The following UGT2B15 variants were observed in gnomAD, a reference collection of about 807,000 sequenced individuals.
The protein encoded by UGT2B15 is UDP glucuronosyltransferase family 2 member B15, also known as UDP-glucuronosyltransferase 2B15.
A neutral mutation model predicts 45.9 loss-of-function variants in UGT2B15; 36 were observed. The observed-to-expected ratio is 0.78, with a 90% CI of 0.60 to 1.04. The LOEUF (loss-of-function observed/expected upper bound fraction) is 1.04. Among genes scored for constraint, UGT2B15 ranks in the 50% least tolerant of loss-of-function variants. The pLI, the probability that UGT2B15 is intolerant of heterozygous loss-of-function variation, is 0.00. For synonymous variants in UGT2B15, 219 were observed against 216.4 expected, an observed-to-expected ratio of 1.01 and a Z score of -0.11; for missense variants, 617 against 622.4, an observed-to-expected ratio of 0.99 and a Z score of 0.09.
Position 68,670,090 on chromosome 4 carries a change from C to G in UGT2B15, c.529G>C (p.Val177Leu). The change falls in exon 1 of 6, where the codon GTT (valine) becomes CTT (leucine). Residue 177 changes from valine (V) to leucine (L), a missense_variant. By Grantham distance (32) the Val-to-Leu change is conservative. This residue lies in a region of UGT2B15 where 351 missense variants were observed against 342.1 expected (regional missense o/e 1.03). Transcript: ENST00000338206. The part of the protein sequence containing the change: ...IPFLYSLRFS[V>L]GYTFEKNGGG... The stretch of plus-strand genomic sequence containing the variant: ...CCATTCTTCTCAAATGTGTAGCCAA[C>G]AGAGAATCGAAGACTGTACAGAAAG... 2 of 1,614,068 alleles carry G rather than the reference C, an allele frequency of 1.2e-6. No homozygotes were observed. Among genetic ancestry groups the G allele is most frequent in the African/African-American group, 2.7e-5 (2 of 75,024 alleles).
At position 68,647,318 on chromosome 4, in the gene UGT2B15, C is replaced by A. The variant is rs148054959; in HGVS notation, c.1379G>T (p.Arg460Leu). Residue 460 changes from arginine (R) to leucine (L), a missense_variant, in exon 6 of 6, where the codon CGA becomes CTA. Coordinates refer to ENST00000338206, the MANE Select transcript of UGT2B15 (RefSeq NM_001076.4). ...GACAAACTCAATCCAGAAGACTGCT[C>A]GATCCAGGGGCTTCATTGGTTGGTC... is the stretch of plus-strand genomic sequence containing the variant. ...HHDQPMKPLD[R>L]AVFWIEFVMR... The A allele has an allele frequency of 1.2e-6, 2 of 1,613,644 alleles. No homozygotes were observed. Among genetic ancestry groups the A allele is most frequent in the Non-Finnish European group, 8.5e-7 (1 of 1,179,824 alleles).
chr4:68,647,993 C>T (rs1732533032), intron 5 of UGT2B15, among the ~76,000 whole-genome samples: 1 of 151,810 alleles, frequency 6.6e-6, no homozygotes, highest in Non-Finnish European at 1.5e-5. Context: ...AAGTGTTGGC[C>T]CTACAGACAT....
At chr4:68,654,561 T>G (rs1732749085) in intron 4 of UGT2B15, among the ~76,000 whole-genome samples, 1 of 151,838 alleles carries the variant, frequency 6.6e-6, no homozygotes. Context: ...TTTAAATACT[T>G]AAAATATTTA....
At chr4:68,657,037 T>C (rs909862128) in intron 3 of UGT2B15, among the ~76,000 whole-genome samples, 3 of 152,134 alleles carry the variant, frequency 2.0e-5, no homozygotes, top group African/African-American at 7.2e-5. Flanking sequence ...TTTGGAGATG[T>C]GTTGTAAAGG....
intron 3 of UGT2B15, among the ~76,000 whole-genome samples, chr4:68,658,175 A>G (rs1400782572): frequency 6.6e-6 from 1 of 151,966 alleles, no homozygotes; most frequent in African/African-American, 2.4e-5. Context: ...TATAAGATGT[A>G]CTTCTATTGG....
chr4:68,654,581 A>T (rs539078101), intron 4 of UGT2B15, among the ~76,000 whole-genome samples: 18 of 151,890 alleles, frequency 1.2e-4, no homozygotes, highest in African/African-American at 4.3e-4. Context: ...AAAATATTTA[A>T]TTTTTTTTAA....
At chr4:68,668,646 G>A (rs2109837055) in intron 1 of UGT2B15, among the ~76,000 whole-genome samples, 1 of 143,300 alleles carries the variant, frequency 7.0e-6, no homozygotes, top group Admixed American at 7.3e-5. Context: ...GAGCTCTCAT[G>A]AGATCTGATA....
chr4:68,661,848 T>C (rs1013301771), intron 3 of UGT2B15, among the ~76,000 whole-genome samples: 1 of 152,128 alleles, frequency 6.6e-6, no homozygotes, highest in African/African-American at 2.4e-5. Flanking sequence ...ATACAGATGC[T>C]GAAAATGTAG....
intron 3 of UGT2B15, among the ~76,000 whole-genome samples, chr4:68,660,880 C>T (rs1732944346): frequency 6.6e-6 from 1 of 151,826 alleles, no homozygotes; most frequent in Non-Finnish European, 1.5e-5. Context: ...AATTTACATA[C>T]ATAATCCACT....
intron 2 of UGT2B15, among the ~76,000 whole-genome samples, chr4:68,667,022 C>T (rs568461008): frequency 2.6e-4 from 39 of 152,078 alleles, no homozygotes; most frequent in African/African-American, 9.4e-4. Context: ...GCTGGGATTA[C>T]AGGTGTAAGC....
At chr4:68,649,839 CTTT>C (rs1732598941) in intron 5 of UGT2B15, among the ~76,000 whole-genome samples, 1 of 150,526 alleles carries the variant, frequency 6.6e-6, no homozygotes, top group Non-Finnish European at 1.5e-5. Flanking sequence ...TGTTTTTTTG[CTTT>C]TTTGTTTTTT....
rs1274102053 is a variant in UGT2B15 at position 68,669,988 on chromosome 4, T to C, written c.631A>G (p.Arg211Gly). The C allele has an allele frequency of 6.2e-7, 1 of 1,613,748 alleles. No individual in the cohort carries two copies. The highest frequency in any genetic ancestry group is 8.5e-7 in the Non-Finnish European group (1 of 1,179,948). Residue 211 changes from arginine to glycine, a missense_variant, in exon 1 of 6, where the codon AGG becomes GGG. Physicochemically the swap from Arg to Gly is moderately radical, Grantham distance 125 (BLOSUM62 -2). Transcript: ENST00000338206. ...ELSDQMIFMERIKNMIHMLYF... is the reference protein window; with the variant it reads ...ELSDQMIFMEGIKNMIHMLYF... Reference sequence around the variant, plus strand: ...AGCATATGTATCATATTTTTTATCCTCTCCATGAAAATCATTTGATCACTT... The same window carrying C: ...AGCATATGTATCATATTTTTTATCCCCTCCATGAAAATCATTTGATCACTT...
rs1417372952 is a variant in UGT2B15, at chr4:68,654,113, C to T, written c.1237G>A (p.Ala413Thr). Reference protein sequence around the residue: ...NIAHMKAKGAALSVDIRTMSS... With the variant: ...NIAHMKAKGATLSVDIRTMSS... Reference sequence around the variant, plus strand: ...ATGGTCCTGATGTCCACACTGAGGGCTGCTCCCTTGGCTTTCATGTGAGCA... The same window carrying T: ...ATGGTCCTGATGTCCACACTGAGGGTTGCTCCCTTGGCTTTCATGTGAGCA... Residue 413 changes from alanine (A) to threonine (T), a missense_variant, in exon 5 of 6, where the codon GCC becomes ACC. This residue lies in a region of UGT2B15 where 265 missense variants were observed against 245.1 expected (regional missense o/e 1.08). Transcript: ENST00000338206. 6.2e-7 allele frequency: 1 copy of T among 1,613,576 alleles called. No homozygotes were observed. Among genetic ancestry groups the T allele is most frequent in the Non-Finnish European group, 8.5e-7 (1 of 1,179,708 alleles).
At chr4:68,656,994 T>G (rs1732825608) in intron 3 of UGT2B15, among the ~76,000 whole-genome samples, 1 of 151,674 alleles carries the variant, frequency 6.6e-6, no homozygotes, top group Admixed American at 6.6e-5. Flanking sequence ...TTTTTCCTCC[T>G]AGGAAGTTGT....
intron 3 of UGT2B15, among the ~76,000 whole-genome samples, chr4:68,660,510 C>T (rs543480153): frequency 1.3e-4 from 20 of 151,758 alleles, no homozygotes; most frequent in African/African-American, 4.6e-4. Context: ...AAAAATTATT[C>T]TTCCTCCTCT....
At position 68,654,267 on chromosome 4, in the gene UGT2B15, A is replaced by G; in HGVS notation, c.1094-11T>C. 5.0e-6 allele frequency: 8 copies of G among 1,608,596 alleles called. No individual in the cohort carries two copies. Among genetic ancestry groups the G allele is most frequent in the Non-Finnish European group, 6.8e-6 (8 of 1,176,798 alleles). ...TGGTTTTGGGATGACCTAAAAGTGG[A>G]TGCATTTTAACAAAATTATTAATTA... On this transcript the variant is annotated splice_polypyrimidine_tract_variant and intron_variant, in intron 4 of 5. Coordinates refer to ENST00000338206, the MANE Select transcript of UGT2B15 (RefSeq NM_001076.4).
intron 5 of UGT2B15, among the ~76,000 whole-genome samples, chr4:68,649,273 C>CTTTTTTTTT (rs71218976): frequency 1.4e-4 from 13 of 93,272 alleles, no homozygotes; most frequent in East Asian, 7.4e-4. Flanking sequence ...TTCATATAAT[C>CTTTTTTTTT]TTTTTTTTTT....
intron 3 of UGT2B15, among the ~76,000 whole-genome samples, chr4:68,659,929 G>GT (rs201274189): frequency 0.34 from 49,705 of 145,056 alleles, 9,240 homozygotes; most frequent in Middle Eastern, 0.48. Flanking sequence ...CCTTTGTTTT[G>GT]TTTTTTTTTC....
At chr4:68,656,428 A>T (rs1375832367) in intron 3 of UGT2B15, among the ~76,000 whole-genome samples, 1 of 143,252 alleles carries the variant, frequency 7.0e-6, no homozygotes, top group African/African-American at 2.6e-5. Context: ...TATTTCTCCC[A>T]TCAGATTTGA....
Sources: gnomAD v4.1 joint callset for allele counts (sites outside exome capture counted in the v4.1 genomes callset) on GRCh38, gnomAD v4.1.1 for gene constraint, gnomAD v4.1.1 regional missense constraint, MANE v1.5 for transcripts, NCBI Gene and HGNC (gene_info 2026-07-23, HGNC 2026-07-21) for gene names.